The following SEC16A variants were observed in gnomAD, a reference collection of about 807,000 sequenced individuals.
The protein encoded by SEC16A is protein transport protein Sec16A.
SEC16A carries 110 observed loss-of-function variants against 221.9 expected under a neutral mutation model. The ratio of observed to expected loss-of-function variants is 0.50; its 90% CI spans 0.42 to 0.58. SEC16A has a LOEUF of 0.58. Ranked by LOEUF, SEC16A falls within the 20% of genes least tolerant of loss-of-function variation. SEC16A has a pLI of 0.00. For synonymous variants in SEC16A, 1,393 were observed against 1,257.7 expected, an observed-to-expected ratio of 1.11 and a Z score of -2.28; for missense variants, 3,165 against 3,097.8, an observed-to-expected ratio of 1.02 and a Z score of -0.52.
chr9:136,451,495 T>C, intron 22 of SEC16A, 87 bp from the exon 23 acceptor site: 1 of 1,429,222 alleles, frequency 7.0e-7, no homozygotes, highest in Non-Finnish European at 9.3e-7. Flanking sequence ...CCAGGCGTGT[T>C]TCCTAAATAC....
rs369610239 is a variant in SEC16A at position 136,471,964 on chromosome 9, C to T, written c.3704+11G>A. On this transcript the variant is annotated intron_variant, in intron 4 of 31. Coordinates refer to ENST00000684901, the MANE Select transcript of SEC16A (RefSeq NM_014866.2). ...AGGACAGAGAGGCAGCCAGGGTGGGCGCGGCCGCACCTGGGAGGTGGCCGT... is the reference window on the plus strand; with the variant it reads ...AGGACAGAGAGGCAGCCAGGGTGGGTGCGGCCGCACCTGGGAGGTGGCCGT... 2.0e-4 allele frequency: 326 copies of T among 1,610,292 alleles called. No individual in the cohort carries two copies. Among genetic ancestry groups the T allele is most frequent in the East Asian group, 6.2e-4 (28 of 44,876 alleles).
rs780986397 is a variant in SEC16A at position 136,466,288 on chromosome 9, G to C, written c.4104C>G (p.Ser1368Arg). ...CCTGGTGCGAGTGGGAGCTGAGGCT[G>C]CTGCGGCGGCTGGCCAGGCTGTGTG... ...HSAHSLASRRSSLSSHSHQSQ... is the reference protein window; with the variant it reads ...HSAHSLASRRRSLSSHSHQSQ... Residue 1368 changes from serine to arginine, a missense_variant, in exon 7 of 32, where the codon AGC becomes AGG. This residue lies in a region of SEC16A where 2,030 missense variants were observed against 1,923.1 expected (regional missense o/e 1.06). Coordinates refer to ENST00000684901, the MANE Select transcript of SEC16A (RefSeq NM_014866.2). The surrounding 1 kb of genome is among the most constrained non-coding windows in gnomAD (Gnocchi z 5.5). 2 of 1,572,552 alleles carry C rather than the reference G, an allele frequency of 1.3e-6. No homozygotes were observed. The highest frequency in any genetic ancestry group is 1.7e-6 in the Non-Finnish European group (2 of 1,159,254).
At chr9:136,464,141 CCAATAAAG>C (rs2132451732) in intron 9 of SEC16A, among the ~76,000 whole-genome samples, 1 of 150,940 alleles carries the variant, frequency 6.6e-6, no homozygotes, top group Non-Finnish European at 1.5e-5. Flanking sequence ...TTGAAAAGCA[CCAATAAAG>C]CAAACATCCC....
In SEC16A at chr9:136,451,290, T is replaced by A; in HGVS notation, c.6278A>T (p.Gln2093Leu). 2 of 1,613,178 alleles carry A rather than the reference T, an allele frequency of 1.2e-6. No individual in the cohort carries two copies. The highest frequency in any genetic ancestry group is 1.7e-6 in the Non-Finnish European group (2 of 1,179,560). ...SPAPETKRPG[Q>L]AAKKETKEPK... ...TTCCTTCGTTTCTTTCTTGGCTGCCTGTCCGGGTCTCTTTGTTTCGGGAGC... is the reference window on the plus strand; with the variant it reads ...TTCCTTCGTTTCTTTCTTGGCTGCCAGTCCGGGTCTCTTTGTTTCGGGAGC... Residue 2093 changes from glutamine (Q) to leucine (L), a missense_variant, in exon 23 of 32, where the codon CAG (glutamine) becomes CTG (leucine). Coordinates refer to ENST00000684901, the MANE Select transcript of SEC16A (RefSeq NM_014866.2).
Position 136,459,975 on chromosome 9 carries a change from C to T in SEC16A, c.5073+67G>A, listed in dbSNP as rs775319509. ...CCAGGCACCTCACGGCCTGTGACAGCGTCACCCACGAGCAAACTCCACACA... is the reference window on the plus strand; with the variant it reads ...CCAGGCACCTCACGGCCTGTGACAGTGTCACCCACGAGCAAACTCCACACA... On this transcript the variant is annotated intron_variant, in intron 14 of 31. Transcript: ENST00000684901. The surrounding 1 kb of genome is among the most constrained non-coding windows in gnomAD (Gnocchi z 6.1). 4.0e-5 allele frequency: 61 copies of T among 1,535,448 alleles called. No individual in the cohort carries two copies. The highest frequency in any genetic ancestry group is 1.3e-4 in the Admixed American group (7 of 53,012).
upstream of SEC16A, chr9:136,484,597 G>T: frequency 7.4e-7 from 1 of 1,353,428 alleles, no homozygotes. Flanking sequence ...CAGCGGCTGA[G>T]GTCCTCCCTG....
chr9:136,475,091 G>C lies in SEC16A; in HGVS notation c.2525C>G (p.Pro842Arg), dbSNP rs1397737503. 6.2e-7 allele frequency: 1 copy of C among 1,613,590 alleles called. No homozygotes were observed. The highest frequency in any genetic ancestry group is 8.5e-7 in the Non-Finnish European group (1 of 1,179,840). The stretch of plus-strand genomic sequence containing the variant: ...CGATAAGGACACAGAAAAGTTAATG[G>C]GCTGAGCCAGATTATAGCTGTGATC... ...QPDHSYNLAQ[P>R]INFSVSLSNS... Residue 842 changes from proline (P) to arginine (R), a missense_variant, in exon 3 of 32, where the codon CCC becomes CGC. Pro to Arg is a moderately radical substitution (Grantham distance 103). Transcript: ENST00000684901. This position sits in a 1 kb window ranked among gnomAD's most constrained non-coding sequence, Gnocchi z 5.0.
At position 136,476,978 on chromosome 9, in the gene SEC16A, C is replaced by A. The variant is rs1423521250; in HGVS notation, c.638G>T (p.Gly213Val). The A allele has an allele frequency of 2.5e-6, 4 of 1,613,256 alleles. No individual in the cohort carries two copies. In the South Asian group the frequency reaches 4.4e-5, roughly 18 times the overall value. ...SLPQPGLQMP[G>V]QWGPVQGGPQ... ...GCCTCCCTGCACTGGCCCCCACTGT[C>A]CTGGCATCTGCAGACCAGGCTGAGG... Residue 213 changes from glycine (G) to valine (V), a missense_variant, in exon 3 of 32, where the codon GGA (glycine) becomes GTA (valine). By Grantham distance (109) the Gly-to-Val change is moderately radical (BLOSUM62 -3). Transcript: ENST00000684901.
Position 136,474,912 on chromosome 9 carries a change from C to T in SEC16A, c.2704G>A (p.Val902Ile). Reference protein sequence around the residue: ...SVLSLSLPSSVAQSNFPQGSG... With the variant: ...SVLSLSLPSSIAQSNFPQGSG... ...CCTTGTGGAAAATTACTTTGGGCAA[C>T]ACTGCTAGGCAGAGACAAGCTAAGG... The change falls in exon 3 of 32, where the codon GTT becomes ATT. Residue 902 changes from valine (V) to isoleucine (I), a missense_variant. Val to Ile is a conservative substitution (Grantham distance 29). This residue lies in a region of SEC16A where 2,030 missense variants were observed against 1,923.1 expected (regional missense o/e 1.06). Transcript: ENST00000684901. 1 of 1,613,872 alleles carries T rather than the reference C, an allele frequency of 6.2e-7. No homozygotes were observed. Among genetic ancestry groups the T allele is most frequent in the Non-Finnish European group, 8.5e-7 (1 of 1,179,896 alleles).
chr9:136,444,075 A>G (rs1836592701), intron 30 of SEC16A, 175 bp from the exon 31 acceptor site: 2 of 521,044 alleles, frequency 3.8e-6, no homozygotes, highest in African/African-American at 3.9e-5. Flanking sequence ...TGGTTCAGAG[A>G]AAAATGGTGA....
chr9:136,477,645 T>C lies in SEC16A; in HGVS notation c.-30A>G, dbSNP rs745740114. The C allele has an allele frequency of 6.4e-7, 1 of 1,567,294 alleles. No homozygotes were observed. The highest frequency in any genetic ancestry group is 8.6e-7 in the Non-Finnish European group (1 of 1,158,056). ...GAACCCTTGCACAAGTCGATGCTGC[T>C]TACAGAAGGAAGCAGGATATAGCTG... On this transcript the variant is annotated 5_prime_UTR_variant, in exon 3 of 32. Transcript: ENST00000684901.
In SEC16A at chr9:136,476,416, A is replaced by C; in HGVS notation, c.1200T>G (p.Phe400Leu). The change falls in exon 3 of 32, where the codon TTT (phenylalanine) becomes TTG (leucine). Residue 400 changes from phenylalanine (F) to leucine (L), a missense_variant. Physicochemically the swap from Phe to Leu is conservative, Grantham distance 22 (BLOSUM62 0). Around this residue, in one of 3 missense-constraint regions of SEC16A, gnomAD observed 2,030 missense variants for 1,923.1 expected, o/e 1.06. Transcript: ENST00000684901. ...EKAGLSGQAD[F>L]DDFCSSPGLG... ...GCCCAGGGCTGGAGCAGAAATCGTCAAAGTCCGCTTGACCAGATAAGCCTG... is the reference window on the plus strand; with the variant it reads ...GCCCAGGGCTGGAGCAGAAATCGTCCAAGTCCGCTTGACCAGATAAGCCTG... 6.2e-7 allele frequency: 1 copy of C among 1,612,974 alleles called. No individual in the cohort carries two copies. The highest frequency in any genetic ancestry group is 8.5e-7 in the Non-Finnish European group (1 of 1,179,844).
chr9:136,477,605 G>C lies in SEC16A; in HGVS notation c.11C>G (p.Pro4Arg). The C allele has an allele frequency of 6.2e-7, 1 of 1,607,032 alleles. No homozygotes were observed. Among genetic ancestry groups the C allele is most frequent in the Non-Finnish European group, 8.5e-7 (1 of 1,176,908 alleles). Residue 4 changes from proline to arginine, a missense_variant, in exon 3 of 32, where the codon CCG (proline) becomes CGG (arginine). Physicochemically the swap from Pro to Arg is moderately radical, Grantham distance 103. Transcript: ENST00000684901. ...CATGCCAGACGGGACCGTCTGGGGC[G>C]GTGGCTGCATGACTGAACCCTTGCA... MQP[P>R]PQTVPSGMAG...
In SEC16A at chr9:136,446,541, A is replaced by G. The variant is rs531413018; in HGVS notation, c.6792+314T>C. The stretch of plus-strand genomic sequence containing the variant: ...AGAGTAATTAATTTTACTTTTTCCA[A>G]TTTTAAAAATTGTAAAATATACATA... On this transcript the variant is annotated intron_variant, in intron 28 of 31. Transcript: ENST00000684901. Among the ~76,000 whole-genome samples the G allele has an allele frequency of 2.9e-4, 44 of 151,976 alleles. 1 individual carries two copies. Among genetic ancestry groups the G allele is most frequent in the African/African-American group, 1.0e-3 (42 of 41,428 alleles).
At chr9:136,473,938 G>T (rs1400332913) in intron 3 of SEC16A, 111 bp downstream of exon 3, 2 of 1,212,720 alleles carry the variant, frequency 1.6e-6, no homozygotes, top group Admixed American at 5.1e-5. Context: ...GGGACTGTGG[G>T]TGACCCCGGA....
rs1378497673 is a variant in SEC16A at position 136,440,480 on chromosome 9, C to G, written c.*1275G>C. On this transcript the variant is annotated 3_prime_UTR_variant, in exon 32 of 32. Transcript: ENST00000684901. ...ATTTCTACACTTAAATTTAAAACACCAAACAGTTTGTATTCCTCCAGCAGA... is the reference window on the plus strand; with the variant it reads ...ATTTCTACACTTAAATTTAAAACACGAAACAGTTTGTATTCCTCCAGCAGA... The G allele has an allele frequency of 1.3e-5, 2 of 152,590 alleles. No individual in the cohort carries two copies. Among genetic ancestry groups the G allele is most frequent in the African/African-American group, 4.8e-5 (2 of 41,452 alleles). The allele number at this position is 152,590 out of a possible 1,614,324, so 9.5% of individuals were successfully genotyped here.
rs944433317 is a variant in SEC16A at position 136,462,826 on chromosome 9, C to G, written c.4893+61G>C. On this transcript the variant is annotated intron_variant, in intron 12 of 31. Transcript: ENST00000684901. ...CGTCCCTCCCTGAAGGCTGCAACCC[C>G]GCACCAGGCCCGACCCAGTGGACAT... is the stretch of plus-strand genomic sequence containing the variant. 6 of 1,563,852 alleles carry G rather than the reference C, an allele frequency of 3.8e-6. No individual in the cohort carries two copies. In the African/African-American group the frequency reaches 5.4e-5, roughly 14 times the overall value.
Position 136,451,336 on chromosome 9 carries a change from G to A in SEC16A, c.6232C>T (p.Pro2078Ser). Residue 2078 changes from proline to serine, a missense_variant, in exon 23 of 32, where the codon CCA becomes TCA. By Grantham distance (74) the Pro-to-Ser change is moderately conservative. Around this residue, in one of 3 missense-constraint regions of SEC16A, gnomAD observed 1,088 missense variants for 1,089.6 expected, o/e 1.00. Coordinates refer to ENST00000684901, the MANE Select transcript of SEC16A (RefSeq NM_014866.2). ...GGAGCGGGTGAGAGAGACAGAGGTG[G>A]CTGCGTGGGACCCGAGTCGGCACGA... is the stretch of plus-strand genomic sequence containing the variant. Reference protein sequence around the residue: ...WDRADSGPTQPPLSLSPAPET... With the variant: ...WDRADSGPTQSPLSLSPAPET... 6.2e-7 allele frequency: 1 copy of A among 1,613,776 alleles called. No homozygotes were observed. The highest frequency in any genetic ancestry group is 8.5e-7 in the Non-Finnish European group (1 of 1,179,806).
intron 22 of SEC16A, among the ~76,000 whole-genome samples, chr9:136,452,415 A>C (rs1383300630): frequency 7.5e-6 from 1 of 133,562 alleles, no homozygotes; most frequent in African/African-American, 2.8e-5. Context: ...GCACCACTGC[A>C]CTCCAGGCTG....
Sources: gnomAD v4.1 joint callset for allele counts (sites outside exome capture counted in the v4.1 genomes callset) on GRCh38, gnomAD v4.1.1 for gene constraint, gnomAD v4.1.1 regional missense constraint, Gnocchi (gnomAD v3.1) non-coding constraint, MANE v1.5 for transcripts, NCBI Gene and HGNC (gene_info 2026-07-23, HGNC 2026-07-21) for gene names.